PRDM5: variants seen among roughly 807,000 people sequenced by gnomAD.
PRDM5 encodes PR/SET domain 5, also known as PR domain zinc finger protein 5.
Under a neutral mutation model 81.2 loss-of-function variants are expected in PRDM5, and 56 were observed. The ratio of observed to expected loss-of-function variants is 0.69; its 90% CI spans 0.56 to 0.86. The LOEUF is 0.86. PRDM5 is among the 40% of genes least tolerant of loss of function. The pLI, the probability that PRDM5 is intolerant of heterozygous loss-of-function variation, is 0.00. For synonymous variants in PRDM5, 267 were observed against 256.4 expected (o/e 1.04, Z -0.39); for missense variants, 697 against 770.1 (o/e 0.91, Z 1.12).
intron 8 of PRDM5, among the ~76,000 whole-genome samples, chr4:120,802,274 G>T (rs1025639420): frequency 1.3e-5 from 2 of 152,202 alleles, no homozygotes; most frequent in African/African-American, 4.8e-5. Flanking sequence ...AAAGAGGGCA[G>T]TTCCAAGATC....
intron 14 of PRDM5, among the ~76,000 whole-genome samples, chr4:120,735,400 A>G (rs1328167011): frequency 6.6e-6 from 1 of 152,206 alleles, no homozygotes; most frequent in African/African-American, 2.4e-5. Flanking sequence ...TAATGAGCTC[A>G]TAAGTGTCTC....
chr4:120,688,808 T>C (rs527730842), downstream of PRDM5, among the ~76,000 whole-genome samples: 1 of 152,292 alleles, frequency 6.6e-6, no homozygotes, highest in South Asian at 2.1e-4. Flanking sequence ...ATGCTGTCTA[T>C]TCTGTTCCAT....
At position 120,781,294 on chromosome 4, in the gene PRDM5, G is replaced by T; in HGVS notation, c.1292C>A (p.Thr431Asn). ...AGCATCGCAGTGATGGCACTTGAAA[G>T]TCCTCTCACCTTAGAAACAAAGAGA... ...RHLLIHNSERTFKCHHCDATF... is the reference protein window; with the variant it reads ...RHLLIHNSERNFKCHHCDATF... Residue 431 changes from threonine to asparagine, a missense_variant, in exon 12 of 16, where the codon ACT becomes AAT. Coordinates refer to ENST00000264808, the MANE Select transcript of PRDM5 (RefSeq NM_018699.4). 6.2e-7 allele frequency: 1 copy of T among 1,612,772 alleles called. No homozygotes were observed. Among genetic ancestry groups the T allele is most frequent in the Non-Finnish European group, 8.5e-7 (1 of 1,179,126 alleles).
chr4:120,867,131 T>A (rs1389602671), intron 2 of PRDM5, among the ~76,000 whole-genome samples: 1 of 152,110 alleles, frequency 6.6e-6, no homozygotes, highest in Non-Finnish European at 1.5e-5. Context: ...GCAACCTGAA[T>A]GAGCTTGGAA....
chr4:120,811,071 T>A (rs912226682), intron 8 of PRDM5, among the ~76,000 whole-genome samples: 5 of 152,140 alleles, frequency 3.3e-5, no homozygotes, highest in Admixed American at 6.5e-5. Context: ...ATAGCTATGC[T>A]AAAAGAAACA....
chr4:120,872,147 T>A (rs374295625), intron 2 of PRDM5, among the ~76,000 whole-genome samples: 2 of 41,018 alleles, frequency 4.9e-5, no homozygotes, highest in Non-Finnish European at 4.4e-5. Context: ...CAAGACTCCA[T>A]CTCAAAAAAA....
At chr4:120,742,374 C>G (rs1359883224) in intron 14 of PRDM5, among the ~76,000 whole-genome samples, 1 of 152,190 alleles carries the variant, frequency 6.6e-6, no homozygotes, top group Non-Finnish European at 1.5e-5. Flanking sequence ...CAGAGCGCCT[C>G]TCCTCCTCCA....
At chr4:120,864,066 A>G (rs1174660763) in intron 2 of PRDM5, among the ~76,000 whole-genome samples, 1 of 152,204 alleles carries the variant, frequency 6.6e-6, no homozygotes, top group Non-Finnish European at 1.5e-5. Flanking sequence ...TTAGCTTCTC[A>G]GTAATAATAC....
chr4:120,833,022 C>T (rs532705988), intron 3 of PRDM5, among the ~76,000 whole-genome samples: 2 of 152,226 alleles, frequency 1.3e-5, no homozygotes, highest in South Asian at 4.1e-4. Context: ...TACCCACACA[C>T]ATAAGGCTGG....
chr4:120,784,615 G>A (rs1422593851), intron 11 of PRDM5, among the ~76,000 whole-genome samples: 4 of 152,136 alleles, frequency 2.6e-5, no homozygotes, highest in East Asian at 1.9e-4. Flanking sequence ...CTCATAAAAC[G>A]ATGCCAGATA....
chr4:120,684,701 T>C (rs1014639298), downstream of PRDM5, among the ~76,000 whole-genome samples: 1 of 152,050 alleles, frequency 6.6e-6, no homozygotes, highest in African/African-American at 2.4e-5. Context: ...TTTAATTTTA[T>C]AATATTTCAC....
chr4:120,826,241 A>G (rs1295722525), intron 3 of PRDM5, among the ~76,000 whole-genome samples: 2 of 152,178 alleles, frequency 1.3e-5, no homozygotes, highest in African/African-American at 2.4e-5. Context: ...TACACTTCTC[A>G]GAAAACACAG....
rs1311587649 is a variant in PRDM5 at position 120,916,311 on chromosome 4, T to C, written c.93+6205A>G. On this transcript the variant is annotated intron_variant, in intron 1 of 15. Coordinates refer to ENST00000264808, the MANE Select transcript of PRDM5 (RefSeq NM_018699.4). The stretch of plus-strand genomic sequence containing the variant: ...CTGAGGCAGGAGAATAGCTGGAACC[T>C]GGGAGGCAAAGGTTGCAGTGAGCTG... 2.0e-5 allele frequency among the ~76,000 whole-genome samples: 3 copies of C among 151,938 alleles called. No homozygotes were observed. The East Asian group carries it at 5.8e-4, about 29-fold the overall frequency.
intron 7 of PRDM5, chr4:120,816,161 A>G (rs1484301810): frequency 2.6e-6 from 1 of 381,288 alleles, no homozygotes; most frequent in African/African-American, 2.1e-5. Flanking sequence ...TAAAATTGTT[A>G]CTTAAAAATA....
intron 15 of PRDM5, among the ~76,000 whole-genome samples, chr4:120,707,921 T>A (rs112593951): frequency 0.069 from 10,491 of 152,084 alleles, 424 homozygotes; most frequent in South Asian, 0.1. Flanking sequence ...ATGCTCACCA[T>A]CATTTGTTCT....
chr4:120,760,979 C>T (rs1354307395), intron 13 of PRDM5, among the ~76,000 whole-genome samples: 1 of 152,158 alleles, frequency 6.6e-6, no homozygotes, highest in Non-Finnish European at 1.5e-5. Context: ...AGGTGAAGGA[C>T]TTAGCTAAAG....
At chr4:120,830,557 G>A (rs1008628455) in intron 3 of PRDM5, among the ~76,000 whole-genome samples, 4 of 152,002 alleles carry the variant, frequency 2.6e-5, no homozygotes, top group African/African-American at 9.7e-5. Flanking sequence ...AAAATTGACT[G>A]AAGCAGAATA....
chr4:120,802,510 T>G (rs1210946504), intron 8 of PRDM5, among the ~76,000 whole-genome samples: 1 of 152,192 alleles, frequency 6.6e-6, no homozygotes, highest in Non-Finnish European at 1.5e-5. Context: ...AGACGAAACT[T>G]CCAGAGGAAT....
At chr4:120,779,698 T>C (rs1748726407) in intron 12 of PRDM5, among the ~76,000 whole-genome samples, 1 of 152,120 alleles carries the variant, frequency 6.6e-6, no homozygotes, top group African/African-American at 2.4e-5. Context: ...GGTCAAGAGT[T>C]CAAGGCCAGC....
Sources: gnomAD v4.1 joint callset for allele counts (sites outside exome capture counted in the v4.1 genomes callset) on GRCh38, gnomAD v4.1.1 for gene constraint, MANE v1.5 for transcripts, NCBI Gene and HGNC (gene_info 2026-07-23, HGNC 2026-07-21) for gene names.